RPN2: variants seen among roughly 807,000 people sequenced by gnomAD.
RPN2 encodes the protein ribophorin II.
Under a neutral mutation model 71.4 loss-of-function variants are expected in RPN2, and 29 were observed. The observed-to-expected ratio is 0.41, with a 90% CI of 0.30 to 0.55. The LOEUF (loss-of-function observed/expected upper bound fraction) is 0.55, where lower values mean the gene tolerates loss of function less well. Among genes scored for constraint, RPN2 ranks in the 20% least tolerant of loss-of-function variants. RPN2 has a pLI of 0.35. For missense variants in RPN2, 726 were observed against 774.1 expected (o/e 0.94, Z 0.74); for synonymous variants, 308 against 305.0 (o/e 1.01, Z -0.10).
rs2068168844 is a variant in RPN2 at position 37,229,264 on chromosome 20, G to T, written c.1494+520G>T. On this transcript the variant is annotated intron_variant, in intron 12 of 16. Transcript: ENST00000237530. Reference sequence around the variant, plus strand: ...TTCCTGCATGCCTCACTTTGGATTGGCGTGATGAGAGTAAACGTCTTGCAA... The same window carrying T: ...TTCCTGCATGCCTCACTTTGGATTGTCGTGATGAGAGTAAACGTCTTGCAA... Among the ~76,000 whole-genome samples, 5 of 152,174 alleles carry T rather than the reference G, an allele frequency of 3.3e-5. No homozygotes were observed. The South Asian group carries it at 1.0e-3, about 32-fold the overall frequency.
intron 9 of RPN2, among the ~76,000 whole-genome samples, chr20:37,219,779 A>G (rs1359686335): frequency 6.6e-6 from 1 of 152,204 alleles, no homozygotes; most frequent in Admixed American, 6.5e-5. Flanking sequence ...CTTCTTTTGC[A>G]GTTGTCCTAG....
chr20:37,183,155 ATAG>A (rs2066923049), intron 1 of RPN2, among the ~76,000 whole-genome samples: 1 of 152,326 alleles, frequency 6.6e-6, no homozygotes, highest in Admixed American at 6.5e-5. Flanking sequence ...AACAATAATA[ATAG>A]TAGTAGAAGT....
chr20:37,188,780 C>T (rs1303573038), intron 2 of RPN2, among the ~76,000 whole-genome samples: 1 of 150,452 alleles, frequency 6.6e-6, no homozygotes, highest in Non-Finnish European at 1.5e-5. Flanking sequence ...CCATGCCTAG[C>T]TAAATTTTTT....
At chr20:37,236,485 T>C in intron 15 of RPN2, 95 bp from the exon 16 acceptor site, 1 of 1,363,056 alleles carries the variant, frequency 7.3e-7, no homozygotes, top group East Asian at 2.3e-5. Flanking sequence ...GTACAGACCT[T>C]TTCATGATCC....
chr20:37,223,936 A>G lies in RPN2; in HGVS notation c.1151A>G (p.Asp384Gly), dbSNP rs1468934811. 1.2e-6 allele frequency: 2 copies of G among 1,614,044 alleles called. No individual in the cohort carries two copies. Among genetic ancestry groups the G allele is most frequent in the African/African-American group, 1.3e-5 (1 of 74,934 alleles). ...GITNVDLSTVDKDQSIAPKTT... is the reference protein window; with the variant it reads ...GITNVDLSTVGKDQSIAPKTT... ...ACAAATGTTGATCTTTCCACCGTGG[A>G]TAAGGATCAGAGCATTGCACCCAAA... The change falls in exon 10 of 17, where the codon GAT (aspartate) becomes GGT (glycine). Residue 384 changes from aspartate to glycine, a missense_variant. Transcript: ENST00000237530.
chr20:37,210,205 T>C (rs761491247), intron 8 of RPN2, 40 bp downstream of exon 8: 4 of 1,610,786 alleles, frequency 2.5e-6, no homozygotes, highest in Non-Finnish European at 3.4e-6. Context: ...CTGACCTCTT[T>C]GTTTTGGAAA....
chr20:37,211,049 T>A lies in RPN2; in HGVS notation c.986+884T>A, dbSNP rs2067650335. 2.0e-5 allele frequency among the ~76,000 whole-genome samples: 3 copies of A among 151,800 alleles called. 1 individual carries two copies. Among genetic ancestry groups the A allele is most frequent in the African/African-American group, 7.2e-5 (3 of 41,482 alleles). ...ATTTTTATTTATTTATCTATTTATTTTTTGAGATGGAGTCTTCCTCTGTCA... is the reference window on the plus strand; with the variant it reads ...ATTTTTATTTATTTATCTATTTATTATTTGAGATGGAGTCTTCCTCTGTCA... On this transcript the variant is annotated intron_variant, in intron 8 of 16. Coordinates refer to ENST00000237530, the MANE Select transcript of RPN2 (RefSeq NM_002951.5).
intron 16 of RPN2, among the ~76,000 whole-genome samples, chr20:37,237,745 C>A (rs895002398): frequency 2.6e-5 from 4 of 152,192 alleles, no homozygotes; most frequent in Admixed American, 2.6e-4. Flanking sequence ...GTAGCCTTTT[C>A]CTGGTGGTTC....
intron 1 of RPN2, among the ~76,000 whole-genome samples, chr20:37,183,201 G>A (rs1050182866): frequency 7.3e-5 from 11 of 149,974 alleles, no homozygotes; most frequent in African/African-American, 2.7e-4. Flanking sequence ...TTTGTTATGT[G>A]CCAGTCATTA....
intron 6 of RPN2, among the ~76,000 whole-genome samples, chr20:37,205,463 G>A (rs1041477488): frequency 6.6e-6 from 1 of 152,050 alleles, no homozygotes; most frequent in Non-Finnish European, 1.5e-5. Context: ...AAGCCTTTTT[G>A]AGTAGGACCG....
chr20:37,184,517 G>A (rs2066963369), intron 2 of RPN2, 144 bp downstream of exon 2: 1 of 825,308 alleles, frequency 1.2e-6, no homozygotes, highest in Non-Finnish European at 2.0e-6. Flanking sequence ...ATTTGGCCAG[G>A]CGTGGTGACT....
At chr20:37,196,422 A>G (rs2067258638) in intron 2 of RPN2, among the ~76,000 whole-genome samples, 1 of 152,026 alleles carries the variant, frequency 6.6e-6, no homozygotes, top group Admixed American at 6.6e-5. Flanking sequence ...TTTAGTAGAG[A>G]TGGGGTTTCA....
intron 2 of RPN2, among the ~76,000 whole-genome samples, chr20:37,187,609 C>CT (rs1242496331): frequency 2.6e-5 from 4 of 151,518 alleles, no homozygotes; most frequent in Admixed American, 2.0e-4. Flanking sequence ...TTTTCCCTCT[C>CT]TTTTCCTGTC....
intron 4 of RPN2, among the ~76,000 whole-genome samples, chr20:37,200,113 G>A (rs1200882288): frequency 6.6e-6 from 1 of 152,000 alleles, no homozygotes; most frequent in Non-Finnish European, 1.5e-5. Flanking sequence ...TCCTGCCTCA[G>A]CGTCTTCAGT....
chr20:37,205,100 G>A (rs543181746), intron 6 of RPN2, among the ~76,000 whole-genome samples, 199 bp downstream of exon 6: 125 of 152,262 alleles, frequency 8.2e-4, no homozygotes, highest in South Asian at 2.1e-3. Context: ...TGAGGTAGAC[G>A]TGTAAACAAA....
At chr20:37,228,028 C>T (rs1186465800) in intron 11 of RPN2, among the ~76,000 whole-genome samples, 2 of 152,172 alleles carry the variant, frequency 1.3e-5, no homozygotes, top group Non-Finnish European at 2.9e-5. Flanking sequence ...GCAAATCTGT[C>T]TTCCAAGCCG....
intron 6 of RPN2, among the ~76,000 whole-genome samples, chr20:37,206,981 G>A (rs908698991): frequency 1.3e-5 from 2 of 151,922 alleles, no homozygotes; most frequent in Admixed American, 1.3e-4. Flanking sequence ...AAAGTGCTGG[G>A]ATTACAGGCG....
In RPN2 at chr20:37,207,446, G is replaced by C. The variant is rs367655097; in HGVS notation, c.864G>C (p.Leu288Phe). The stretch of plus-strand genomic sequence containing the variant: ...CCGACACTCATGAACAGGCTATCTT[G>C]CGGGTAAGACATCCATGCCCAAAGT... ...SASDTHEQAILRLQVTNVLSQ... is the reference protein window; with the variant it reads ...SASDTHEQAIFRLQVTNVLSQ... Residue 288 changes from leucine (L) to phenylalanine (F), a missense_variant, in exon 7 of 17, where the codon TTG (leucine) becomes TTC (phenylalanine). Coordinates refer to ENST00000237530, the MANE Select transcript of RPN2 (RefSeq NM_002951.5). 5 of 1,613,962 alleles carry C rather than the reference G, an allele frequency of 3.1e-6. No individual in the cohort carries two copies. The African/African-American group carries it at 6.7e-5, about 22-fold the overall frequency.
rs778793118 is a variant in RPN2, at chr20:37,210,125, A to G, written c.946A>G (p.Arg316Gly). Residue 316 changes from arginine to glycine, a missense_variant, in exon 8 of 17, where the codon AGA (arginine) becomes GGA (glycine). Coordinates refer to ENST00000237530, the MANE Select transcript of RPN2 (RefSeq NM_002951.5). ...AGAACATGCTAAATCTGTTGCTTCC[A>G]GAGCCACTGTCCTCCAGAAGACATC... is the stretch of plus-strand genomic sequence containing the variant. ...KLEHAKSVASRATVLQKTSFT... is the reference protein window; with the variant it reads ...KLEHAKSVASGATVLQKTSFT... The G allele has an allele frequency of 6.8e-6, 11 of 1,614,076 alleles. No homozygotes were observed. The highest frequency in any genetic ancestry group is 3.3e-4 in the Middle Eastern group (2 of 6,084).
Sources: allele counts gnomAD v4.1 joint callset (sites outside exome capture counted in the v4.1 genomes callset), GRCh38; gene constraint gnomAD v4.1.1; transcripts MANE v1.5; gene names NCBI Gene and HGNC (gene_info 2026-07-23, HGNC 2026-07-21).